The following INPP4B variants were observed in gnomAD, a reference collection of about 807,000 sequenced individuals.
INPP4B encodes the protein inositol polyphosphate 4-phosphatase type II.
In INPP4B, 55 loss-of-function variants were observed where a neutral mutation model predicts 122.5. The ratio of observed to expected loss-of-function variants is 0.45; its 90% CI spans 0.36 to 0.56. INPP4B has a LOEUF of 0.56. Ranked by LOEUF, INPP4B falls within the 20% of genes least tolerant of loss-of-function variation. The pLI is 0.00. For synonymous variants in INPP4B, 403 were observed against 388.7 expected (o/e 1.04, Z -0.43); for missense variants, 1,000 against 1,097.7 (o/e 0.91, Z 1.26).
chr4:142,273,460 T>C (rs1394099123), intron 9 of INPP4B, among the ~76,000 whole-genome samples: 1 of 151,950 alleles, frequency 6.6e-6, no homozygotes, highest in African/African-American at 2.4e-5. Flanking sequence ...GAGGATGTTA[T>C]GATGTTTACA....
intron 2 of INPP4B, among the ~76,000 whole-genome samples, chr4:142,686,019 T>C (rs140234977): frequency 4.3e-4 from 65 of 152,190 alleles, no homozygotes; most frequent in African/African-American, 1.4e-3. Context: ...GAATTCTGAA[T>C]ACACCAAAAT....
At chr4:142,645,432 T>C (rs1450694026) in intron 2 of INPP4B, among the ~76,000 whole-genome samples, 1 of 152,152 alleles carries the variant, frequency 6.6e-6, no homozygotes, top group Non-Finnish European at 1.5e-5. Context: ...AACCCCTAAA[T>C]TTAGCTGGAT....
At chr4:142,718,531 C>T (rs1426188254) in intron 2 of INPP4B, among the ~76,000 whole-genome samples, 5 of 152,152 alleles carry the variant, frequency 3.3e-5, no homozygotes, top group Non-Finnish European at 7.3e-5. Flanking sequence ...CCGCATCAGG[C>T]TCAATGATAA....
intron 7 of INPP4B, among the ~76,000 whole-genome samples, chr4:142,347,121 G>A (rs971995715): frequency 6.6e-6 from 1 of 151,982 alleles, no homozygotes; most frequent in African/African-American, 2.4e-5. Context: ...AGAAAAAGAT[G>A]TAGTTTTGGT....
intron 1 of INPP4B, among the ~76,000 whole-genome samples, chr4:142,821,978 A>G (rs963866023): frequency 6.6e-6 from 1 of 152,136 alleles, no homozygotes; most frequent in African/African-American, 2.4e-5. Flanking sequence ...CCAGGGTGAG[A>G]AGTGATAGGT....
At chr4:142,102,719 C>T (rs1290250906) in intron 23 of INPP4B, among the ~76,000 whole-genome samples, 1 of 152,012 alleles carries the variant, frequency 6.6e-6, no homozygotes, top group Non-Finnish European at 1.5e-5. Flanking sequence ...TTTACAGTCT[C>T]TACATCATAT....
At chr4:142,221,179 C>CACG (rs1265742871) in intron 12 of INPP4B, among the ~76,000 whole-genome samples, 1 of 151,970 alleles carries the variant, frequency 6.6e-6, no homozygotes, top group Non-Finnish European at 1.5e-5. Flanking sequence ...GCGAGTGGAT[C>CACG]ACGAGGTCAG....
At chr4:142,358,697 C>T (rs2148500007) in intron 7 of INPP4B, among the ~76,000 whole-genome samples, 1 of 150,610 alleles carries the variant, frequency 6.6e-6, no homozygotes, top group East Asian at 2.0e-4. Context: ...AGCATGCAGC[C>T]AAGGTTGAGA....
intron 2 of INPP4B, among the ~76,000 whole-genome samples, chr4:142,531,734 G>A (rs1827642395): frequency 1.3e-5 from 2 of 151,830 alleles, no homozygotes; most frequent in Admixed American, 1.3e-4. Context: ...CACAGTCTCC[G>A]ACTAAGGGGA....
intron 2 of INPP4B, among the ~76,000 whole-genome samples, chr4:142,570,939 G>T (rs114723646): frequency 0.021 from 3,237 of 151,454 alleles, 111 homozygotes; most frequent in African/African-American, 0.073. Flanking sequence ...TTATTCTAAG[G>T]TTGCATCTTA....
chr4:142,562,614 AC>A (rs1730706000), intron 2 of INPP4B, among the ~76,000 whole-genome samples: 1 of 152,172 alleles, frequency 6.6e-6, no homozygotes, highest in Non-Finnish European at 1.5e-5. Context: ...CTTTTTGAAA[AC>A]AAAATTGTCC....
At chr4:142,809,543 G>A (rs1779247837) in intron 1 of INPP4B, among the ~76,000 whole-genome samples, 1 of 152,042 alleles carries the variant, frequency 6.6e-6, no homozygotes, top group Admixed American at 6.5e-5. Context: ...GCACCCATTT[G>A]GTATAAATGG....
intron 22 of INPP4B, among the ~76,000 whole-genome samples, chr4:142,111,270 A>T (rs1029148875): frequency 6.6e-6 from 1 of 152,122 alleles, no homozygotes; most frequent in Non-Finnish European, 1.5e-5. Flanking sequence ...CCTGTGAAGG[A>T]ACTTCTCCAG....
At position 142,108,175 on chromosome 4, in the gene INPP4B, A is replaced by G. The variant is rs1411019890; in HGVS notation, c.2292T>C (p.Ser764=). The part of the protein sequence containing the change: ...QTLAERFGDV[S]LQESINQENF... Reference sequence around the variant, plus strand: ...TTTCCTGATTAATACTTTCTTGCAAAGAGACATCTCCAAACCTACAAACAG... The same window carrying G: ...TTTCCTGATTAATACTTTCTTGCAAGGAGACATCTCCAAACCTACAAACAG... The change falls in exon 23 of 26, where the codon TCT becomes TCC. Residue 764 remains serine, a synonymous_variant. Transcript: ENST00000262992. 1.9e-6 allele frequency: 3 copies of G among 1,592,832 alleles called. No individual in the cohort carries two copies. The South Asian group carries it at 3.3e-5, about 18-fold the overall frequency.
chr4:142,508,615 A>G (rs1468367429), intron 2 of INPP4B, among the ~76,000 whole-genome samples: 3 of 152,132 alleles, frequency 2.0e-5, no homozygotes, highest in African/African-American at 4.8e-5. Flanking sequence ...GTTTAACTCC[A>G]CACAGTTCAA....
rs968122424 is a variant in INPP4B, at chr4:142,593,175, T to C, written c.-190-130449A>G. ...GATTTTAGGGAAAAACTAGTCTGCA[T>C]CATTTTTACCATTTATTTAAAATGT... On this transcript the variant is annotated intron_variant, in intron 2 of 25. Transcript: ENST00000262992. 6.6e-5 allele frequency among the ~76,000 whole-genome samples: 10 copies of C among 152,124 alleles called. No homozygotes were observed. The South Asian group carries it at 2.1e-3, about 32-fold the overall frequency.
At position 142,218,271 on chromosome 4, in the gene INPP4B, G is replaced by A. The variant is rs144643087; in HGVS notation, c.837-9245C>T. Among the ~76,000 whole-genome samples the A allele has an allele frequency of 2.0e-5, 3 of 152,178 alleles. No homozygotes were observed. In the East Asian group the frequency reaches 5.8e-4, roughly 29 times the overall value. ...TACCACATTTTACAAATACTCTCCT[G>A]ACTTGTTCAAAAGAAAAACAACTAT... On this transcript the variant is annotated intron_variant, in intron 12 of 25. Coordinates refer to ENST00000262992, the MANE Select transcript of INPP4B (RefSeq NM_001101669.3).
chr4:142,724,329 T>A (rs188290248), intron 2 of INPP4B, among the ~76,000 whole-genome samples: 6 of 152,280 alleles, frequency 3.9e-5, no homozygotes, highest in Non-Finnish European at 5.9e-5. Flanking sequence ...GCTCCCTGCA[T>A]GCTTTATTTA....
In INPP4B at chr4:142,322,704, C is replaced by T. The variant is rs138111371; in HGVS notation, c.373-7942G>A. Among the ~76,000 whole-genome samples the T allele has an allele frequency of 3.7e-3, 560 of 152,282 alleles. 1 individual carries two copies. The highest frequency in any genetic ancestry group is 0.013 in the African/African-American group (532 of 41,540). On this transcript the variant is annotated intron_variant, in intron 7 of 25. Transcript: ENST00000262992. Reference sequence around the variant, plus strand: ...TAAGGTGAGTGGGCCAAAGCAAGCCCACTACTATTTTAGTAAAATTAGTTT... The same window carrying T: ...TAAGGTGAGTGGGCCAAAGCAAGCCTACTACTATTTTAGTAAAATTAGTTT...
Sources: gnomAD v4.1 joint callset for allele counts (sites outside exome capture counted in the v4.1 genomes callset) on GRCh38, gnomAD v4.1.1 for gene constraint, MANE v1.5 for transcripts, NCBI Gene and HGNC (gene_info 2026-07-23, HGNC 2026-07-21) for gene names.